Variants in REEP1 observed in about 807,000 individuals in gnomAD.
REEP1 encodes the protein receptor expression-enhancing protein 1.
REEP1 carries 22 observed loss-of-function variants against 40.3 expected under a neutral mutation model. The ratio of observed to expected loss-of-function variants is 0.55; its 90% confidence interval spans 0.39 to 0.78. The LOEUF (loss-of-function observed/expected upper bound fraction) is 0.78, where lower values mean the gene tolerates loss of function less well. Ranked by LOEUF, REEP1 falls within the 30% of genes least tolerant of loss-of-function variation. The pLI is 0.00. For missense variants in REEP1, 280 were observed against 361.1 expected (o/e 0.78, Z 1.82); for synonymous variants, 116 against 139.2 (o/e 0.83, Z 1.17).
chr2:86,293,069 A>AATTCATTC (rs10524777), intron 1 of REEP1, among the ~76,000 whole-genome samples: 6 of 150,834 alleles, frequency 4.0e-5, no homozygotes, highest in South Asian at 2.1e-4. Flanking sequence ...TAAGAGGTTA[A>AATTCATTC]ATTCATTCAT....
At chr2:86,329,169 G>A (rs1005193643) in intron 1 of REEP1, among the ~76,000 whole-genome samples, 2 of 152,202 alleles carry the variant, frequency 1.3e-5, no homozygotes, top group Non-Finnish European at 2.9e-5. Flanking sequence ...ACGTTCAGAT[G>A]CTTCTCTTCT....
chr2:86,310,482 A>G (rs902810098), intron 1 of REEP1, among the ~76,000 whole-genome samples: 3 of 152,172 alleles, frequency 2.0e-5, no homozygotes, highest in Non-Finnish European at 4.4e-5. Context: ...AGTACACTCT[A>G]TGATGTTCAC....
chr2:86,295,682 G>A (rs1009934029), intron 1 of REEP1, among the ~76,000 whole-genome samples: 1 of 152,126 alleles, frequency 6.6e-6, no homozygotes, highest in African/African-American at 2.4e-5. Flanking sequence ...TGGGACTACA[G>A]GCGCCCACCA....
At chr2:86,247,760 G>A (rs1676052511) in intron 5 of REEP1, among the ~76,000 whole-genome samples, 2 of 151,820 alleles carry the variant, frequency 1.3e-5, no homozygotes, top group South Asian at 4.2e-4. Context: ...TAGGAGAGAC[G>A]GGGTTTCATC....
At chr2:86,307,597 C>T (rs1679556127) in intron 1 of REEP1, among the ~76,000 whole-genome samples, 1 of 152,018 alleles carries the variant, frequency 6.6e-6, no homozygotes, top group South Asian at 2.1e-4. Flanking sequence ...CCTGTCTCTA[C>T]AAAAAATGTA....
intron 5 of REEP1, among the ~76,000 whole-genome samples, chr2:86,245,916 C>T (rs1434637043): frequency 6.6e-6 from 1 of 152,074 alleles, no homozygotes; most frequent in East Asian, 1.9e-4. Flanking sequence ...AGGCGCCCGC[C>T]ACCACGCCCG....
chr2:86,297,215 G>A (rs1679027188), intron 1 of REEP1, among the ~76,000 whole-genome samples: 1 of 152,220 alleles, frequency 6.6e-6, no homozygotes. Context: ...TGGCTGTGAA[G>A]CCACTCCAAG....
chr2:86,282,587 C>T (rs1043446203), intron 1 of REEP1, among the ~76,000 whole-genome samples: 1 of 152,130 alleles, frequency 6.6e-6, no homozygotes, highest in African/African-American at 2.4e-5. Flanking sequence ...CCCTCTGAAG[C>T]TCTGTTAAGC....
intron 2 of REEP1, among the ~76,000 whole-genome samples, chr2:86,278,214 C>G (rs1205517714): frequency 6.6e-6 from 1 of 152,176 alleles, no homozygotes; most frequent in Non-Finnish European, 1.5e-5. Flanking sequence ...TGAATATGGA[C>G]TGTATCTTCT....
chr2:86,268,846 G>C (rs1677287562), intron 2 of REEP1, among the ~76,000 whole-genome samples: 1 of 152,190 alleles, frequency 6.6e-6, no homozygotes, highest in Non-Finnish European at 1.5e-5. Context: ...TTTGATCCTT[G>C]ACAAAGGAGC....
intron 5 of REEP1, among the ~76,000 whole-genome samples, chr2:86,245,340 G>A (rs547827808): frequency 6.6e-6 from 1 of 152,274 alleles, no homozygotes; most frequent in East Asian, 1.9e-4. Context: ...AGCGAGACCT[G>A]CTCTCTTATC....
intron 2 of REEP1, among the ~76,000 whole-genome samples, chr2:86,266,479 C>T (rs1278504859): frequency 1.3e-5 from 2 of 150,262 alleles, no homozygotes; most frequent in East Asian, 2.0e-4. Flanking sequence ...ATTAGCCGGG[C>T]GCGGTGGCCG....
chr2:86,335,536 C>G (rs892625664), intron 1 of REEP1, among the ~76,000 whole-genome samples: 5 of 152,102 alleles, frequency 3.3e-5, no homozygotes, highest in East Asian at 1.9e-4. Context: ...CCTCTCCACC[C>G]CCATCAGTTG....
chr2:86,268,137 G>T (rs1047839205), intron 2 of REEP1, among the ~76,000 whole-genome samples: 4 of 152,108 alleles, frequency 2.6e-5, no homozygotes, highest in African/African-American at 9.7e-5. Context: ...CATAATGGAA[G>T]TCCTAGATAA....
chr2:86,241,350 A>G (rs1334769441), intron 5 of REEP1, among the ~76,000 whole-genome samples: 1 of 152,246 alleles, frequency 6.6e-6, no homozygotes, highest in East Asian at 1.9e-4. Context: ...ACGCTATCGC[A>G]CGTGATCGAG....
chr2:86,312,313 C>A (rs889622380), intron 1 of REEP1, among the ~76,000 whole-genome samples: 1 of 152,168 alleles, frequency 6.6e-6, no homozygotes, highest in Non-Finnish European at 1.5e-5. Flanking sequence ...GTTTGGAAGA[C>A]CATTTACTCC....
chr2:86,221,289 G>T (rs1401782043), intron 7 of REEP1, among the ~76,000 whole-genome samples: 2 of 152,178 alleles, frequency 1.3e-5, no homozygotes, highest in Admixed American at 6.5e-5. Flanking sequence ...GCAGGAAGCA[G>T]CACAACATGC....
chr2:86,265,723 G>T (rs903853738), intron 2 of REEP1, among the ~76,000 whole-genome samples: 4 of 152,092 alleles, frequency 2.6e-5, no homozygotes, highest in African/African-American at 9.7e-5. Flanking sequence ...CTTATAAATA[G>T]GAGCTAAATA....
In REEP1 at chr2:86,215,506, C is replaced by T. The variant is rs764271301; in HGVS notation, c.*1533G>A. 2.0e-5 allele frequency: 3 copies of T among 152,606 alleles called. No individual in the cohort carries two copies. Among genetic ancestry groups the T allele is most frequent in the Admixed American group, 6.5e-5 (1 of 15,270 alleles). The allele number at this position is 152,606 out of a possible 1,614,324, so 9.5% of individuals were successfully genotyped here. ...CTATATGGTATATAACACTAATTCT[C>T]TAGTCTTCTGGGCATATCTACGAAC... On this transcript the variant is annotated 3_prime_UTR_variant, in exon 9 of 9. Coordinates refer to ENST00000538924, the MANE Select transcript of REEP1 (RefSeq NM_001371279.1).
Sources: allele counts gnomAD v4.1 joint callset (sites outside exome capture counted in the v4.1 genomes callset), GRCh38; gene constraint gnomAD v4.1.1; transcripts MANE v1.5; gene names NCBI Gene and HGNC (gene_info 2026-07-23, HGNC 2026-07-21).